Variants in HDAC9 observed in about 807,000 individuals in gnomAD.
HDAC9 encodes MEF-2 interacting transcription repressor (MITR) protein.
Under a neutral mutation model 139.4 loss-of-function variants are expected in HDAC9, and 41 were observed. The observed-to-expected ratio is 0.29, with a 90% CI of 0.23 to 0.38. The LOEUF (loss-of-function observed/expected upper bound fraction) is 0.38, where lower values mean the gene tolerates loss of function less well. HDAC9 is among the 10% of genes least tolerant of loss of function. The pLI, the probability that HDAC9 is intolerant of heterozygous loss-of-function variation, is 1.00. For missense variants in HDAC9, 1,147 were observed against 1,297.0 expected (o/e 0.88, Z 1.78); for synonymous variants, 517 against 476.2 (o/e 1.09, Z -1.12).
chr7:18,236,844 C>T (rs1326018262), intron 2 of HDAC9, among the ~76,000 whole-genome samples: 2 of 152,168 alleles, frequency 1.3e-5, no homozygotes, highest in Non-Finnish European at 2.9e-5. Context: ...CTCTGGCCCC[C>T]TACCCCATGG....
intron 6 of HDAC9, among the ~76,000 whole-genome samples, chr7:18,605,523 G>T (rs994104492): frequency 6.6e-6 from 1 of 152,040 alleles, no homozygotes; most frequent in African/African-American, 2.4e-5. Flanking sequence ...ATTACAAAAT[G>T]GTTACTTTTC....
At chr7:18,911,816 CTT>C (rs1802766576) in intron 22 of HDAC9, among the ~76,000 whole-genome samples, 2 of 151,816 alleles carry the variant, frequency 1.3e-5, no homozygotes, top group South Asian at 2.1e-4. Flanking sequence ...CAAAATTCCT[CTT>C]GTTATTGATT....
At chr7:18,963,670 A>G (rs923600530) in intron 24 of HDAC9, among the ~76,000 whole-genome samples, 2 of 152,156 alleles carry the variant, frequency 1.3e-5, no homozygotes, top group Admixed American at 6.5e-5. Context: ...TTTTTTCTAA[A>G]GACATAAACT....
Position 18,526,382 on chromosome 7 carries a change from A to T in HDAC9, c.22+30058A>T, listed in dbSNP as rs539031641. On this transcript the variant is annotated intron_variant, in intron 2 of 25. Coordinates refer to ENST00000686413, the MANE Select transcript of HDAC9 (RefSeq NM_178425.4). The stretch of plus-strand genomic sequence containing the variant: ...CTACCTATAAAGATAGCAAAATACT[A>T]AAGGGGTGGTATTTTATGAGCAATG... 2.6e-5 allele frequency among the ~76,000 whole-genome samples: 4 copies of T among 152,312 alleles called. No individual in the cohort carries two copies. The South Asian group carries it at 8.3e-4, about 32-fold the overall frequency.
rs1786727900 is a variant in HDAC9 at position 19,001,147 on chromosome 7, T to A, written c.*5085T>A. 6.6e-6 allele frequency: 1 copy of A among 152,216 alleles called. No homozygotes were observed. Among genetic ancestry groups the A allele is most frequent in the Non-Finnish European group, 1.5e-5 (1 of 68,012 alleles). The allele number at this position is 152,216 out of a possible 1,614,324, so 9.4% of individuals were successfully genotyped here. On this transcript the variant is annotated 3_prime_UTR_variant, in exon 26 of 26. Coordinates refer to ENST00000686413, the MANE Select transcript of HDAC9 (RefSeq NM_178425.4). ...ATCTGGCTACTACCTAATCATGTTGTACTAGTTATTGTGGAAAGAAAATTG... is the reference window on the plus strand; with the variant it reads ...ATCTGGCTACTACCTAATCATGTTGAACTAGTTATTGTGGAAAGAAAATTG...
At chr7:18,733,134 T>TAC (rs1186666930) in intron 13 of HDAC9, among the ~76,000 whole-genome samples, 1 of 146,736 alleles carries the variant, frequency 6.8e-6, no homozygotes, top group Non-Finnish European at 1.5e-5. Flanking sequence ...TGTATATATA[T>TAC]ACACATGTAT....
intron 17 of HDAC9, among the ~76,000 whole-genome samples, chr7:18,813,458 C>G (rs1311263622): frequency 2.0e-5 from 3 of 152,002 alleles, no homozygotes; most frequent in Non-Finnish European, 2.9e-5. Context: ...TGTTGAAGCT[C>G]TTTGTTGTTT....
chr7:18,367,937 A>C (rs1784312213), intron 1 of HDAC9, among the ~76,000 whole-genome samples: 2 of 152,054 alleles, frequency 1.3e-5, no homozygotes, highest in Non-Finnish European at 2.9e-5. Flanking sequence ...TATCTTTTGA[A>C]ACTTATTGAT....
At chr7:18,678,796 T>C (rs1781694243) in intron 12 of HDAC9, among the ~76,000 whole-genome samples, 2 of 151,982 alleles carry the variant, frequency 1.3e-5, no homozygotes, top group Admixed American at 1.3e-4. Context: ...CTGTTCTGTT[T>C]AATGTCTAGT....
chr7:18,439,565 AC>A (rs1791549529), intron 1 of HDAC9, among the ~76,000 whole-genome samples: 1 of 152,100 alleles, frequency 6.6e-6, no homozygotes, highest in Admixed American at 6.5e-5. Flanking sequence ...ACTCGAAGGA[AC>A]CCTGGGAAAT....
At chr7:18,179,269 A>G (rs1789196201) in intron 2 of HDAC9, among the ~76,000 whole-genome samples, 1 of 152,210 alleles carries the variant, frequency 6.6e-6, no homozygotes, top group Non-Finnish European at 1.5e-5. Context: ...CCTGTGGGGT[A>G]TCATCCACTA....
chr7:18,658,904 A>T (rs1356400261), intron 11 of HDAC9, among the ~76,000 whole-genome samples: 1 of 151,390 alleles, frequency 6.6e-6, no homozygotes, highest in Non-Finnish European at 1.5e-5. Context: ...AAAAGCAAAA[A>T]AAAAAAAAAC....
intron 2 of HDAC9, among the ~76,000 whole-genome samples, chr7:18,241,302 G>C (rs1275516699): frequency 2.0e-5 from 3 of 152,168 alleles, no homozygotes; most frequent in African/African-American, 7.2e-5. Context: ...TGGTCTCTTT[G>C]TGAATTCCTT....
chr7:18,502,016 C>T (rs371346391), intron 2 of HDAC9, among the ~76,000 whole-genome samples: 1 of 152,178 alleles, frequency 6.6e-6, no homozygotes, highest in Non-Finnish European at 1.5e-5. Flanking sequence ...CATATAGCTC[C>T]ACTCTGCTGG....
intron 23 of HDAC9, among the ~76,000 whole-genome samples, chr7:18,942,903 C>T (rs1782118016): frequency 6.6e-6 from 1 of 151,618 alleles, no homozygotes; most frequent in Admixed American, 6.6e-5. Context: ...GAAAAGTCAA[C>T]ACTTGGAAAA....
chr7:18,931,949 C>T (rs1804781125), intron 22 of HDAC9, among the ~76,000 whole-genome samples: 1 of 152,076 alleles, frequency 6.6e-6, no homozygotes, highest in Admixed American at 6.5e-5. Flanking sequence ...TGTCAAAACC[C>T]ACAGAATGTA....
intron 2 of HDAC9, among the ~76,000 whole-genome samples, chr7:18,534,180 A>AG (rs1810037142): frequency 6.6e-6 from 1 of 152,138 alleles, no homozygotes; most frequent in Non-Finnish European, 1.5e-5. Context: ...TGTAGCATAG[A>AG]GGGGTTCTGG....
chr7:18,670,314 A>C (rs1257410643), intron 12 of HDAC9, among the ~76,000 whole-genome samples: 1 of 152,044 alleles, frequency 6.6e-6, no homozygotes, highest in Non-Finnish European at 1.5e-5. Flanking sequence ...TTGAGCAAAC[A>C]CAAAGGAAAT....
rs376682964 is a variant in HDAC9 at position 18,585,364 on chromosome 7, G to A, written c.106G>A (p.Val36Met). Residue 36 changes from valine to methionine, a missense_variant, in exon 3 of 26, where the codon GTG (valine) becomes ATG (methionine). This residue lies in a region of HDAC9 where 136 missense variants were observed against 183.5 expected (regional missense o/e 0.74). Transcript: ENST00000686413. ...GACAGACCTCAGGATGATGATGCCC[G>A]TGGTGGACCCTGTTGTCCGTGAGAA... The part of the protein sequence containing the change: ...LRTDLRMMMP[V>M]VDPVVREKQL... 124 of 1,613,594 alleles carry A rather than the reference G, an allele frequency of 7.7e-5. 1 individual carries two copies. Among genetic ancestry groups the A allele is most frequent in the African/African-American group, 3.2e-4 (24 of 74,836 alleles).
Sources: gnomAD v4.1 joint callset for allele counts (sites outside exome capture counted in the v4.1 genomes callset) on GRCh38, gnomAD v4.1.1 for gene constraint, gnomAD v4.1.1 regional missense constraint, MANE v1.5 for transcripts, NCBI Gene and HGNC (gene_info 2026-07-23, HGNC 2026-07-21) for gene names.